Variants in WFIKKN2 observed in about 807,000 individuals in gnomAD.
The protein encoded by WFIKKN2 is WAP, follistatin/kazal, immunoglobulin, kunitz and netrin domain containing 2, also known as WAP, Kazal, immunoglobulin, Kunitz and NTR domain-containing protein 2.
Under a neutral mutation model 39.2 loss-of-function variants are expected in WFIKKN2, and 25 were observed. That is an observed-to-expected ratio of 0.64 (90% CI 0.47 to 0.89). The LOEUF (loss-of-function observed/expected upper bound fraction) is 0.89, where lower values mean the gene tolerates loss of function less well. Among genes scored for constraint, WFIKKN2 ranks in the 40% least tolerant of loss-of-function variants. The pLI, the probability that WFIKKN2 is intolerant of heterozygous loss-of-function variation, is 0.00. For missense variants in WFIKKN2, 770 were observed against 811.7 expected, an observed-to-expected ratio of 0.95 and a Z score of 0.62; for synonymous variants, 345 against 329.7, an observed-to-expected ratio of 1.05 and a Z score of -0.50.
rs773549922 is a variant in WFIKKN2 at position 50,839,851 on chromosome 17, C to T, written c.563C>T (p.Pro188Leu). ...ACCTGGCCCAACACCAGCCCCCCACCACCTGAGACCACCATGCACCCCACC... is the reference window on the plus strand; with the variant it reads ...ACCTGGCCCAACACCAGCCCCCCACTACCTGAGACCACCATGCACCCCACC... ...HFTWPNTSPP[P>L]PETTMHPTTA... is the part of the protein sequence containing the mutation. The change falls in exon 2 of 2, where the codon CCA becomes CTA. Residue 188 changes from proline to leucine, a missense_variant. By Grantham distance (98) the Pro-to-Leu change is moderately conservative (BLOSUM62 -3). Transcript: ENST00000311378. 9.3e-6 allele frequency: 15 copies of T among 1,614,204 alleles called. No homozygotes were observed. The Admixed American group carries it at 2.3e-4, about 25-fold the overall frequency.
Position 50,836,082 on chromosome 17 carries a change from G to A in WFIKKN2, c.145G>A (p.Asp49Asn), listed in dbSNP as rs150395238. 632 of 1,611,596 alleles carry A rather than the reference G, an allele frequency of 3.9e-4. No homozygotes were observed. Among genetic ancestry groups the A allele is most frequent in the Middle Eastern group, 1.8e-3 (11 of 6,084 alleles). Reference sequence around the variant, plus strand: ...TTCCCACGCCGGCATCTGCCCCAACGACATGAATCCCAACCTCTGGGTGGA... The same window carrying A: ...TTCCCACGCCGGCATCTGCCCCAACAACATGAATCCCAACCTCTGGGTGGA... ...RYSHAGICPN[D>N]MNPNLWVDAQ... The change falls in exon 1 of 2, where the codon GAC (aspartate) becomes AAC (asparagine). Residue 49 changes from aspartate to asparagine, a missense_variant. Physicochemically the swap from Asp to Asn is conservative, Grantham distance 23. Transcript: ENST00000311378.
rs935083748 is a variant in WFIKKN2 at position 50,841,165 on chromosome 17, G to C, written c.*146G>C. 9 of 796,172 alleles carry C rather than the reference G, an allele frequency of 1.1e-5. No individual in the cohort carries two copies. In the African/African-American group the frequency reaches 1.6e-4, roughly 14 times the overall value. 49.3% of individuals were successfully genotyped at this position (796,172 alleles called of 1,614,324 possible). ...ACGTGTCACAGAAAAAGCCACAGAA[G>C]GTCTCAGATCAGCATCTATTCTTTG... On this transcript the variant is annotated 3_prime_UTR_variant, in exon 2 of 2. Coordinates refer to ENST00000311378, the MANE Select transcript of WFIKKN2 (RefSeq NM_175575.6).
At position 50,840,448 on chromosome 17, in the gene WFIKKN2, G is replaced by C. The variant is rs766062053; in HGVS notation, c.1160G>C (p.Ser387Thr). ...ATGAGCGGGCCGCTGGCCGCGTGCAGCCTGCCCGCCCTGCAGGGGCCCTGC... is the reference window on the plus strand; with the variant it reads ...ATGAGCGGGCCGCTGGCCGCGTGCACCCTGCCCGCCCTGCAGGGGCCCTGC... ...ACMSGPLAACSLPALQGPCKA... is the reference protein window; with the variant it reads ...ACMSGPLAACTLPALQGPCKA... Residue 387 changes from serine (S) to threonine (T), a missense_variant, in exon 2 of 2, where the codon AGC becomes ACC. Ser to Thr is a moderately conservative substitution (Grantham distance 58). Transcript: ENST00000311378. 12 of 1,613,708 alleles carry C rather than the reference G, an allele frequency of 7.4e-6. No homozygotes were observed. Among genetic ancestry groups the C allele is most frequent in the Non-Finnish European group, 1.0e-5 (12 of 1,179,930 alleles).
Position 50,835,852 on chromosome 17 carries a change from T to A in WFIKKN2, c.-86T>A, listed in dbSNP as rs1971946646. On this transcript the variant is annotated 5_prime_UTR_variant, in exon 1 of 2. Coordinates refer to ENST00000311378, the MANE Select transcript of WFIKKN2 (RefSeq NM_175575.6). ...CCTGCTGGGGTGGGGAGGGCAGGTG[T>A]CTGCAGCCCCTGAGAAGAAGGCCCT... 1 of 1,434,646 alleles carries A rather than the reference T, an allele frequency of 7.0e-7. No individual in the cohort carries two copies. The highest frequency in any genetic ancestry group is 1.4e-5 in the African/African-American group (1 of 70,500). The allele number at this position is 1,434,646 out of a possible 1,614,324, so 88.9% of individuals were successfully genotyped here.
chr17:50,839,404 A>C (rs1326120048), intron 1 of WFIKKN2, 95 bp from the exon 2 acceptor site: 1 of 1,194,526 alleles, frequency 8.4e-7, no homozygotes, highest in South Asian at 1.5e-5. Context: ...TGGTGAGTAC[A>C]TGTTAGTTCT....
rs1972040296 is a variant in WFIKKN2, at chr17:50,841,085, C to A, written c.*66C>A. The A allele has an allele frequency of 6.9e-7, 1 of 1,452,234 alleles. No individual in the cohort carries two copies. Among genetic ancestry groups the A allele is most frequent in the Non-Finnish European group, 9.2e-7 (1 of 1,089,922 alleles). The allele number at this position is 1,452,234 out of a possible 1,614,324, so 90.0% of individuals were successfully genotyped here. A position where few individuals can be genotyped will look rare whatever the true frequency, so the allele number is the denominator to read the frequency against. On this transcript the variant is annotated 3_prime_UTR_variant, in exon 2 of 2. Transcript: ENST00000311378. ...ACCTATCCACCCCAATGCCTCTCAGCAAACTGGGCGAGGTCAGATTAGACA... is the reference window on the plus strand; with the variant it reads ...ACCTATCCACCCCAATGCCTCTCAGAAAACTGGGCGAGGTCAGATTAGACA...
Sources: gnomAD v4.1 joint callset for allele counts on GRCh38, gnomAD v4.1.1 for gene constraint, MANE v1.5 for transcripts, NCBI Gene and HGNC (gene_info 2026-07-23, HGNC 2026-07-21) for gene names.